The following CTNNA3 variants were observed in gnomAD, a reference collection of about 807,000 sequenced individuals.
The protein encoded by CTNNA3 is catenin alpha 3, also known as catenin alpha-3.
CTNNA3 carries 76 observed loss-of-function variants against 95.7 expected under a neutral mutation model. The observed-to-expected ratio is 0.79, with a 90% CI of 0.66 to 0.96. CTNNA3 has a LOEUF of 0.96. Among genes scored for constraint, CTNNA3 ranks in the 40% least tolerant of loss-of-function variants. The pLI, the probability that CTNNA3 is intolerant of heterozygous loss-of-function variation, is 0.00. For missense variants in CTNNA3, 1,191 were observed against 1,089.8 expected, an observed-to-expected ratio of 1.09 and a Z score of -1.31; for synonymous variants, 431 against 374.4, an observed-to-expected ratio of 1.15 and a Z score of -1.74.
chr10:67,559,436 G>A (rs1026291340), intron 3 of CTNNA3, among the ~76,000 whole-genome samples: 2 of 152,190 alleles, frequency 1.3e-5, no homozygotes, highest in African/African-American at 4.8e-5. Context: ...GGTCCTGTCT[G>A]TTAGAAGGAA....
chr10:66,554,881 T>G (rs1376423685), intron 10 of CTNNA3, among the ~76,000 whole-genome samples: 2 of 152,134 alleles, frequency 1.3e-5, no homozygotes, highest in African/African-American at 2.4e-5. Context: ...GTCCCTGTTC[T>G]TCTACTTTTT....
chr10:67,715,055 G>T (rs887746533), intron 1 of CTNNA3, among the ~76,000 whole-genome samples: 1 of 152,140 alleles, frequency 6.6e-6, no homozygotes, highest in Non-Finnish European at 1.5e-5. Context: ...CTCTTCCTGA[G>T]CACAATTGAG....
chr10:66,400,334 T>C (rs1489388256), intron 11 of CTNNA3, among the ~76,000 whole-genome samples: 1 of 152,088 alleles, frequency 6.6e-6, no homozygotes, highest in African/African-American at 2.4e-5. Flanking sequence ...GTAATTTTTA[T>C]CATTTGCTTT....
intron 5 of CTNNA3, among the ~76,000 whole-genome samples, chr10:67,415,936 C>T (rs1179576590): frequency 1.3e-5 from 2 of 152,160 alleles, no homozygotes; most frequent in African/African-American, 4.8e-5. Context: ...GGATAACTGG[C>T]TAGCCATATG....
At chr10:67,211,332 A>G (rs10509281) in intron 6 of CTNNA3, among the ~76,000 whole-genome samples, 6,549 of 152,072 alleles carry the variant, frequency 0.043, 178 homozygotes, top group South Asian at 0.087. Context: ...CATCGGGTCC[A>G]TATAACAGCA....
chr10:66,552,526 T>C (rs1390624222), intron 10 of CTNNA3, among the ~76,000 whole-genome samples: 1 of 152,186 alleles, frequency 6.6e-6, no homozygotes, highest in Non-Finnish European at 1.5e-5. Flanking sequence ...GTAGTCATTT[T>C]TGCATTTTGT....
chr10:66,341,846 T>G (rs2092456163), intron 12 of CTNNA3, among the ~76,000 whole-genome samples: 1 of 151,810 alleles, frequency 6.6e-6, no homozygotes, highest in African/African-American at 2.4e-5. Context: ...CTTTGCGTAT[T>G]AACCTCAGAA....
chr10:66,492,588 T>A (rs1839962174), intron 11 of CTNNA3, among the ~76,000 whole-genome samples: 1 of 152,180 alleles, frequency 6.6e-6, no homozygotes, highest in Non-Finnish European at 1.5e-5. Context: ...AGCAATCACT[T>A]ATATTTTCCC....
chr10:66,359,368 A>G (rs1411998695), intron 12 of CTNNA3, among the ~76,000 whole-genome samples: 1 of 152,198 alleles, frequency 6.6e-6, no homozygotes, highest in East Asian at 1.9e-4. Flanking sequence ...CAGAATATGA[A>G]TTATGACTTG....
chr10:66,931,085 T>G (rs1168748903), intron 7 of CTNNA3, among the ~76,000 whole-genome samples: 2 of 151,966 alleles, frequency 1.3e-5, no homozygotes, highest in Non-Finnish European at 2.9e-5. Flanking sequence ...TAAATCTATT[T>G]GTATAAGTAT....
intron 5 of CTNNA3, among the ~76,000 whole-genome samples, chr10:67,270,963 C>G (rs1258234459): frequency 3.3e-5 from 5 of 152,038 alleles, no homozygotes; most frequent in African/African-American, 7.2e-5. Context: ...GAAATCTAAG[C>G]GTTCCTAAAA....
chr10:66,541,389 T>A (rs565952177), intron 10 of CTNNA3, among the ~76,000 whole-genome samples: 1 of 152,274 alleles, frequency 6.6e-6, no homozygotes, highest in South Asian at 2.1e-4. Flanking sequence ...TATTAGAAAC[T>A]CAACAATTTT....
chr10:65,998,200 G>A (rs2078703765), intron 15 of CTNNA3, among the ~76,000 whole-genome samples: 1 of 152,116 alleles, frequency 6.6e-6, no homozygotes, highest in African/African-American at 2.4e-5. Context: ...CGGAGTGAGT[G>A]ACCATTTTGA....
chr10:67,308,285 C>G (rs985484033), intron 5 of CTNNA3, among the ~76,000 whole-genome samples: 3 of 152,014 alleles, frequency 2.0e-5, no homozygotes, highest in Non-Finnish European at 4.4e-5. Context: ...CGGAGGGACC[C>G]GGGGGGGAAG....
chr10:67,653,277 C>T (rs950537608), intron 1 of CTNNA3, among the ~76,000 whole-genome samples: 1 of 152,172 alleles, frequency 6.6e-6, no homozygotes, highest in Non-Finnish European at 1.5e-5. Context: ...TGGTGCTAAG[C>T]CATCATGAGA....
intron 9 of CTNNA3, among the ~76,000 whole-genome samples, chr10:66,715,042 C>A (rs1295673073): frequency 6.6e-6 from 1 of 152,052 alleles, no homozygotes. Flanking sequence ...TTTCCTAGTG[C>A]ACCTCTTCCC....
At chr10:67,478,748 A>T (rs948119175) in intron 5 of CTNNA3, among the ~76,000 whole-genome samples, 6 of 152,090 alleles carry the variant, frequency 3.9e-5, no homozygotes, top group Non-Finnish European at 8.8e-5. Context: ...GCCAGGTAAC[A>T]ACTTTGATAG....
chr10:66,529,551 C>A (rs2132044980), intron 10 of CTNNA3, among the ~76,000 whole-genome samples: 1 of 151,402 alleles, frequency 6.6e-6, no homozygotes, highest in Non-Finnish European at 1.5e-5. Context: ...TGACTTCTTT[C>A]CCTTCACCTT....
In CTNNA3 at chr10:67,145,841, G is replaced by T. The variant is rs59394366; in HGVS notation, c.1047+34476C>A. On this transcript the variant is annotated intron_variant, in intron 7 of 17. Transcript: ENST00000433211. ...AAGTTACCACATGTGCAAAAAGCTA[G>T]ATGTTTAGTCAGCAAATATCTCTAA... is the stretch of plus-strand genomic sequence containing the variant. Among the ~76,000 whole-genome samples, 1,119 of 152,238 alleles carry T rather than the reference G, an allele frequency of 7.4e-3. 21 individuals are homozygous for T. The highest frequency in any genetic ancestry group is 0.025 in the African/African-American group (1,059 of 41,540).
Sources: allele counts gnomAD v4.1 joint callset (sites outside exome capture counted in the v4.1 genomes callset), GRCh38; gene constraint gnomAD v4.1.1; transcripts MANE v1.5; gene names NCBI Gene and HGNC (gene_info 2026-07-23, HGNC 2026-07-21).